Variants in OPCML observed in about 807,000 individuals in gnomAD.
OPCML encodes opioid binding protein/cell adhesion molecule like, also known as opioid-binding protein/cell adhesion molecule.
A neutral mutation model predicts 37.8 loss-of-function variants in OPCML; 13 were observed. The ratio of observed to expected loss-of-function variants is 0.34; its 90% CI spans 0.22 to 0.55. The LOEUF (loss-of-function observed/expected upper bound fraction) is 0.55, where lower values mean the gene tolerates loss of function less well. Ranked by LOEUF, OPCML falls within the 20% of genes least tolerant of loss-of-function variation. OPCML has a pLI of 0.91. For synonymous variants in OPCML, 176 were observed against 168.8 expected (o/e 1.04, Z -0.33); for missense variants, 341 against 435.6 (o/e 0.78, Z 1.93).
chr11:132,639,232 G>A (rs1441837003), intron 3 of OPCML, among the ~76,000 whole-genome samples: 1 of 152,196 alleles, frequency 6.6e-6, no homozygotes, highest in Non-Finnish European at 1.5e-5. Flanking sequence ...GCAGAGAGAT[G>A]TGCAGAATTT....
intron 7 of OPCML, among the ~76,000 whole-genome samples, chr11:132,429,024 AATGGATGGAGGG>A (rs1365277346): frequency 7.0e-6 from 1 of 142,672 alleles, no homozygotes; most frequent in Admixed American, 7.6e-5. Flanking sequence ...TGACTAGATG[AATGGATGGAGGG>A]ATGGATGGAT....
chr11:132,436,265 T>G (rs770311820), intron 6 of OPCML, 28 bp from the exon 7 acceptor site: 1 of 1,614,016 alleles, frequency 6.2e-7, no homozygotes, highest in Admixed American at 1.7e-5. Flanking sequence ...TTGCTATCAA[T>G]TCATTCTACA....
chr11:132,541,567 T>C (rs1374708521), intron 3 of OPCML, among the ~76,000 whole-genome samples: 1 of 152,002 alleles, frequency 6.6e-6, no homozygotes, highest in East Asian at 1.9e-4. Flanking sequence ...ACTTAATAAG[T>C]GTCAAGTGAC....
intron 2 of OPCML, among the ~76,000 whole-genome samples, chr11:132,736,457 A>G (rs1945263447): frequency 6.6e-6 from 1 of 152,210 alleles, no homozygotes; most frequent in Non-Finnish European, 1.5e-5. Context: ...TGTGATGGCC[A>G]ACTTCTAAAA....
intron 1 of OPCML, among the ~76,000 whole-genome samples, chr11:133,210,725 C>G (rs1939321508): frequency 6.6e-6 from 1 of 151,988 alleles, no homozygotes; most frequent in Admixed American, 6.5e-5. Flanking sequence ...GAATGAAGCT[C>G]TTTTCTAGGG....
intron 1 of OPCML, among the ~76,000 whole-genome samples, chr11:133,175,838 C>T (rs565050013): frequency 6.6e-5 from 10 of 151,988 alleles, no homozygotes; most frequent in South Asian, 2.1e-4. Flanking sequence ...GAATGTGCAA[C>T]GGATGAGACC....
intron 1 of OPCML, among the ~76,000 whole-genome samples, chr11:133,455,420 TC>T (rs1049900738): frequency 1.3e-5 from 2 of 152,194 alleles, no homozygotes; most frequent in African/African-American, 4.8e-5. Context: ...TCTTTTTGCA[TC>T]TAATGAATGT....
At position 133,113,888 on chromosome 11, in the gene OPCML, C is replaced by T. The variant is rs368995433; in HGVS notation, c.62-170878G>A. Among the ~76,000 whole-genome samples, 499 of 152,284 alleles carry T rather than the reference C, an allele frequency of 3.3e-3. 9 individuals are homozygous for T. Among genetic ancestry groups the T allele is most frequent in the African/African-American group, 0.012 (481 of 41,566 alleles). On this transcript the variant is annotated intron_variant, in intron 1 of 7. Coordinates refer to ENST00000524381, the MANE Select transcript of OPCML (RefSeq NM_001012393.5). ...TTCATTAGCATAAAAGTAAATGCAT[C>T]GTCTCTTCCTGAGAGAACCATTCTT... is the stretch of plus-strand genomic sequence containing the variant.
intron 1 of OPCML, among the ~76,000 whole-genome samples, chr11:133,351,671 G>A (rs138260881): frequency 4.3e-4 from 65 of 152,142 alleles, no homozygotes; most frequent in African/African-American, 1.4e-3. Context: ...TTTGTAACCC[G>A]GTTATTTCCA....
At chr11:132,959,574 T>A (rs2136716830) in intron 1 of OPCML, among the ~76,000 whole-genome samples, 1 of 152,218 alleles carries the variant, frequency 6.6e-6, no homozygotes, top group East Asian at 1.9e-4. Context: ...AGGGATTAGA[T>A]GGCACAGAGA....
At chr11:132,785,005 C>T (rs142049616) in intron 2 of OPCML, among the ~76,000 whole-genome samples, 2,428 of 152,290 alleles carry the variant, frequency 0.016, 26 homozygotes, top group Middle Eastern at 0.031. Flanking sequence ...CTTATTTCCA[C>T]AATGATACAT....
intron 1 of OPCML, among the ~76,000 whole-genome samples, chr11:133,440,814 G>GTATATATATATATATAAATCA (rs1946351246): frequency 2.9e-5 from 4 of 138,294 alleles, no homozygotes; most frequent in South Asian, 4.5e-4. Context: ...GTGTGTATGT[G>GTATATATATATATATAAATCA]TATATATATA....
intron 2 of OPCML, among the ~76,000 whole-genome samples, chr11:132,813,118 G>C (rs1939441917): frequency 6.6e-6 from 1 of 151,956 alleles, no homozygotes; most frequent in African/African-American, 2.4e-5. Context: ...CATTGCTTTT[G>C]AATTTAATTT....
chr11:133,412,751 T>C (rs1945676746), intron 1 of OPCML, among the ~76,000 whole-genome samples: 2 of 152,116 alleles, frequency 1.3e-5, no homozygotes, highest in African/African-American at 4.8e-5. Context: ...GTAAATGAGA[T>C]TGGAATCAAG....
chr11:132,592,574 G>T (rs1009583270), intron 3 of OPCML, among the ~76,000 whole-genome samples: 1 of 152,194 alleles, frequency 6.6e-6, no homozygotes, highest in Non-Finnish European at 1.5e-5. Context: ...TGGGTGACGG[G>T]GTCCTCCAGT....
intron 1 of OPCML, among the ~76,000 whole-genome samples, chr11:133,182,716 T>C (rs1937893663): frequency 1.3e-5 from 2 of 152,000 alleles, no homozygotes; most frequent in African/African-American, 2.4e-5. Context: ...GAAAACAAAG[T>C]GAAATGGGAA....
At chr11:132,783,331 T>C (rs1275306419) in intron 2 of OPCML, among the ~76,000 whole-genome samples, 1 of 151,866 alleles carries the variant, frequency 6.6e-6, no homozygotes, top group Non-Finnish European at 1.5e-5. Flanking sequence ...ACTCTTCCAA[T>C]ACATGAGACC....
At chr11:133,235,102 G>T (rs549737231) in intron 1 of OPCML, among the ~76,000 whole-genome samples, 1 of 151,844 alleles carries the variant, frequency 6.6e-6, no homozygotes, top group Admixed American at 6.6e-5. Flanking sequence ...CAGGGGCTCC[G>T]CGGCTTTAGC....
intron 1 of OPCML, among the ~76,000 whole-genome samples, chr11:133,306,199 C>A (rs1344254393): frequency 1.3e-5 from 2 of 152,146 alleles, no homozygotes; most frequent in East Asian, 3.8e-4. Context: ...TGCAGCCCAG[C>A]TCCGTGTTTC....
Sources: allele counts gnomAD v4.1 joint callset (sites outside exome capture counted in the v4.1 genomes callset), GRCh38; gene constraint gnomAD v4.1.1; transcripts MANE v1.5; gene names NCBI Gene and HGNC (gene_info 2026-07-23, HGNC 2026-07-21).